Variants in DNAJB12 observed in about 807,000 individuals in gnomAD.
DNAJB12 encodes the protein DnaJ heat shock protein family (Hsp40) member B12.
DNAJB12 carries 14 observed loss-of-function variants against 40.6 expected under a neutral mutation model. The observed-to-expected ratio is 0.34, with a 90% confidence interval of 0.23 to 0.54. The LOEUF (loss-of-function observed/expected upper bound fraction) is 0.54. DNAJB12 is among the 20% of genes least tolerant of loss of function. The probability of loss-of-function intolerance (pLI) is 0.92; values close to 1 mark genes in which losing one functional copy is unlikely to be tolerated. For synonymous variants in DNAJB12, 181 were observed against 199.5 expected (o/e 0.91, Z 0.78); for missense variants, 444 against 501.7 (o/e 0.89, Z 1.10).
At chr10:72,349,083 T>C (rs183862560) in intron 1 of DNAJB12, among the ~76,000 whole-genome samples, 1 of 152,184 alleles carries the variant, frequency 6.6e-6, no homozygotes, top group Admixed American at 6.5e-5. Flanking sequence ...AGCAAAAGCA[T>C]AGAAGAGACA....
At chr10:72,346,855 T>G (rs980635989) in intron 1 of DNAJB12, among the ~76,000 whole-genome samples, 5 of 150,706 alleles carry the variant, frequency 3.3e-5, no homozygotes, top group African/African-American at 1.2e-4. Context: ...ATGAATCCAT[T>G]TTTTTCTACT....
At chr10:72,336,837 A>G in intron 6 of DNAJB12, 141 bp from the exon 7 acceptor site, 1 of 622,106 alleles carries the variant, frequency 1.6e-6, no homozygotes, top group Non-Finnish European at 2.7e-6. Flanking sequence ...GGACCCGCAC[A>G]CTCCCTGAAA....
At position 72,333,651 on chromosome 10, in the gene DNAJB12, G is replaced by A. The variant is rs1363229609; in HGVS notation, c.*997C>T. The A allele has an allele frequency of 1.3e-5, 2 of 152,788 alleles. No individual in the cohort carries two copies. The highest frequency in any genetic ancestry group is 2.9e-5 in the Non-Finnish European group (2 of 68,134). 9.5% of individuals were successfully genotyped at this position (152,788 alleles called of 1,614,324 possible). A position where few individuals can be genotyped will look rare whatever the true frequency, so the allele number is the denominator to read the frequency against. ...ACCTATAAGGCAAAGCCCACTGAGG[G>A]ACTTAGGGGTGGGGAAATGGTTAGG... On this transcript the variant is annotated 3_prime_UTR_variant, in exon 9 of 9. Coordinates refer to ENST00000444643, the MANE Select transcript of DNAJB12 (RefSeq NM_017626.7).
At chr10:72,337,461 A>ACTGAT (rs1564817709) in intron 6 of DNAJB12, among the ~76,000 whole-genome samples, 1 of 152,220 alleles carries the variant, frequency 6.6e-6, no homozygotes, top group Non-Finnish European at 1.5e-5. Flanking sequence ...GCTGGACATC[A>ACTGAT]GTGAGGGGAG....
intron 1 of DNAJB12, among the ~76,000 whole-genome samples, chr10:72,346,961 G>T (rs72808137): frequency 0.072 from 10,301 of 142,182 alleles, 716 homozygotes; most frequent in African/African-American, 0.19. Context: ...TTTACCATTG[G>T]TTTTTTTTTT....
chr10:72,340,347 A>T (rs577946761), intron 5 of DNAJB12, among the ~76,000 whole-genome samples: 7 of 131,724 alleles, frequency 5.3e-5, no homozygotes, highest in African/African-American at 2.6e-4. Flanking sequence ...CATCTCAATT[A>T]AAAAAAAAGA....
intron 5 of DNAJB12, among the ~76,000 whole-genome samples, chr10:72,338,911 A>G (rs1861551990): frequency 6.6e-6 from 1 of 152,194 alleles, no homozygotes; most frequent in African/African-American, 2.4e-5. Flanking sequence ...ATTAACAAAT[A>G]TATTCACTGT....
intron 8 of DNAJB12, 102 bp from the exon 9 acceptor site, chr10:72,334,719 C>G: frequency 7.0e-7 from 1 of 1,419,248 alleles, no homozygotes; most frequent in Non-Finnish European, 9.1e-7. Flanking sequence ...ACCGCTGCAC[C>G]GTGCTGCCCG....
In DNAJB12 at chr10:72,335,023, C is replaced by T. The variant is rs896755105; in HGVS notation, c.*31-406G>A. On this transcript the variant is annotated intron_variant, in intron 8 of 8. Coordinates refer to ENST00000444643, the MANE Select transcript of DNAJB12 (RefSeq NM_017626.7). The surrounding 1 kb of genome is among the most constrained non-coding windows in gnomAD (Gnocchi z 4.4). The stretch of plus-strand genomic sequence containing the variant: ...CCAGCAACTCTCATTTCCCCTCCAC[C>T]CCTCCTGTGCTGAGCGGCTGCGTCT... 4 of 1,045,658 alleles carry T rather than the reference C, an allele frequency of 3.8e-6. No homozygotes were observed. The highest frequency in any genetic ancestry group is 4.6e-6 in the Non-Finnish European group (4 of 868,644). 64.8% of individuals were successfully genotyped at this position (1,045,658 alleles called of 1,614,324 possible). A position where few individuals can be genotyped will look rare whatever the true frequency, so the allele number is the denominator to read the frequency against.
Position 72,354,770 on chromosome 10 carries a change from A to G in DNAJB12, c.128T>C (p.Val43Ala). 1 of 1,611,956 alleles carries G rather than the reference A, an allele frequency of 6.2e-7. No homozygotes were observed. ...CTCCGGCACCTCACACTCACCGCGA[A>G]CTCGCGGCGTCGGATACAGCCGCTG... ...KAQRLYPTPR[V>A]RALIESLNQK... The change falls in exon 1 of 9, where the codon GTT (valine) becomes GCT (alanine). Residue 43 changes from valine to alanine, a missense_variant. Transcript: ENST00000444643.
At chr10:72,339,842 T>C (rs113859633) in intron 5 of DNAJB12, among the ~76,000 whole-genome samples, 2,885 of 151,348 alleles carry the variant, frequency 0.019, 95 homozygotes, top group African/African-American at 0.066. Flanking sequence ...GCTTCCCGAG[T>C]AGGGATTAAA....
chr10:72,348,083 C>T (rs927528244), intron 1 of DNAJB12, among the ~76,000 whole-genome samples: 2 of 151,762 alleles, frequency 1.3e-5, no homozygotes, highest in East Asian at 1.9e-4. Context: ...AATTAGCCGG[C>T]GTGGTGGCAG....
At chr10:72,345,893 C>CAA (rs1247241424) in intron 1 of DNAJB12, among the ~76,000 whole-genome samples, 2,094 of 61,596 alleles carry the variant, frequency 0.034, 66 homozygotes, top group East Asian at 0.14. Context: ...GGATCTGTCT[C>CAA]AAAAAAAAAA....
intron 6 of DNAJB12, 81 bp downstream of exon 6, chr10:72,338,121 G>A: frequency 1.7e-6 from 2 of 1,202,510 alleles, no homozygotes; most frequent in Non-Finnish European, 2.5e-6. Context: ...GCTGGATCAG[G>A]ATGGGAAAGA....
At chr10:72,342,391 G>C (rs912356133) in intron 3 of DNAJB12, among the ~76,000 whole-genome samples, 1 of 152,176 alleles carries the variant, frequency 6.6e-6, no homozygotes, top group Non-Finnish European at 1.5e-5. Context: ...CGTCTCCTCC[G>C]CCAATTCTGA....
rs1861356901 is a variant in DNAJB12 at position 72,332,954 on chromosome 10, G to A, written c.*1694C>T. 2 of 152,646 alleles carry A rather than the reference G, an allele frequency of 1.3e-5. No homozygotes were observed. The highest frequency in any genetic ancestry group is 4.8e-5 in the African/African-American group (2 of 41,440). 9.5% of individuals were successfully genotyped at this position (152,646 alleles called of 1,614,324 possible). A position where few individuals can be genotyped will look rare whatever the true frequency, so the allele number is the denominator to read the frequency against. On this transcript the variant is annotated 3_prime_UTR_variant, in exon 9 of 9. Transcript: ENST00000444643. ...TTGCACATGGCTCAGCCCGTCTAGG[G>A]ACATCTACCAAGACCAGATGGTCGG... is the stretch of plus-strand genomic sequence containing the variant.
At chr10:72,341,882 G>T (rs1380268033) in intron 3 of DNAJB12, among the ~76,000 whole-genome samples, 1 of 152,214 alleles carries the variant, frequency 6.6e-6, no homozygotes, top group Non-Finnish European at 1.5e-5. Context: ...ACAGAGCTGG[G>T]AGTCAAACAA....
chr10:72,340,059 CAG>C (rs1861589164), intron 5 of DNAJB12, among the ~76,000 whole-genome samples: 1 of 152,168 alleles, frequency 6.6e-6, no homozygotes, highest in African/African-American at 2.4e-5. Context: ...AAAATTCTCT[CAG>C]TGGCAGAGCG....
chr10:72,336,002 C>A (rs1861463924), intron 7 of DNAJB12, 71 bp from the exon 8 acceptor site: 2 of 1,583,550 alleles, frequency 1.3e-6, no homozygotes, highest in Non-Finnish European at 1.7e-6. Context: ...CCTGCGAGGG[C>A]TGTGGAGGGC....
Sources: gnomAD v4.1 joint callset for allele counts (sites outside exome capture counted in the v4.1 genomes callset) on GRCh38, gnomAD v4.1.1 for gene constraint, Gnocchi (gnomAD v3.1) non-coding constraint, MANE v1.5 for transcripts, NCBI Gene and HGNC (gene_info 2026-07-23, HGNC 2026-07-21) for gene names.